UNC13B: variants seen among roughly 807,000 people sequenced by gnomAD.
The protein encoded by UNC13B is protein unc-13 homolog B.
In UNC13B, 144 loss-of-function variants were observed where a neutral mutation model predicts 211.0. The observed-to-expected ratio is 0.68, with a 90% CI of 0.60 to 0.78. The LOEUF is 0.78. UNC13B is among the 30% of genes least tolerant of loss of function. The probability of loss-of-function intolerance (pLI) is 0.00; values close to 1 mark genes in which losing one functional copy is unlikely to be tolerated. For missense variants in UNC13B, 1,777 were observed against 2,002.0 expected, an observed-to-expected ratio of 0.89 and a Z score of 2.14; for synonymous variants, 709 against 725.8, an observed-to-expected ratio of 0.98 and a Z score of 0.37.
chr9:35,224,813 A>C (rs760226481), intron 1 of UNC13B, among the ~76,000 whole-genome samples: 10 of 152,224 alleles, frequency 6.6e-5, no homozygotes, highest in Non-Finnish European at 1.0e-4. Context: ...CAAGTAATAT[A>C]TCAAAAAGAT....
At chr9:35,285,233 A>C (rs913100005) in intron 7 of UNC13B, among the ~76,000 whole-genome samples, 1 of 152,172 alleles carries the variant, frequency 6.6e-6, no homozygotes, top group Non-Finnish European at 1.5e-5. Context: ...TTAGCACAGG[A>C]GTATTATTCT....
At chr9:35,214,747 A>G (rs960748774) in intron 1 of UNC13B, among the ~76,000 whole-genome samples, 8 of 152,230 alleles carry the variant, frequency 5.3e-5, no homozygotes, top group Non-Finnish European at 1.0e-4. Flanking sequence ...AAGAAAAGAC[A>G]GATTATCTAC....
At chr9:35,286,201 C>A (rs181831828) in intron 7 of UNC13B, among the ~76,000 whole-genome samples, 18 of 151,124 alleles carry the variant, frequency 1.2e-4, no homozygotes, top group Admixed American at 2.0e-4. Flanking sequence ...ATCAGACAGA[C>A]CAAGCCATGT....
chr9:35,162,316 G>A lies in UNC13B; in HGVS notation c.22+11G>A, dbSNP rs1220384957. 1.9e-6 allele frequency: 3 copies of A among 1,539,874 alleles called. No homozygotes were observed. Among genetic ancestry groups the A allele is most frequent in the Admixed American group, 1.9e-5 (1 of 51,728 alleles). ...TGCTCTGCGTGCGCGGTGAGTGCGCGGACTGAGGCGGGGAGGCGGGGTGTC... is the reference window on the plus strand; with the variant it reads ...TGCTCTGCGTGCGCGGTGAGTGCGCAGACTGAGGCGGGGAGGCGGGGTGTC... On this transcript the variant is annotated intron_variant, in intron 1 of 39. Transcript: ENST00000635942.
intron 11 of UNC13B, among the ~76,000 whole-genome samples, chr9:35,357,277 A>C (rs1161983737): frequency 2.0e-5 from 3 of 152,138 alleles, no homozygotes; most frequent in Admixed American, 6.6e-5. Context: ...ATCCTAGTGG[A>C]TATGAAGTGG....
chr9:35,221,700 T>A (rs775442333), intron 1 of UNC13B, among the ~76,000 whole-genome samples: 1 of 152,216 alleles, frequency 6.6e-6, no homozygotes, highest in Non-Finnish European at 1.5e-5. Context: ...TTCATGCATT[T>A]TGCATACAAT....
At chr9:35,390,917 T>C (rs1835492827) in intron 26 of UNC13B, among the ~76,000 whole-genome samples, 1 of 152,202 alleles carries the variant, frequency 6.6e-6, no homozygotes, top group African/African-American at 2.4e-5. Context: ...AAAATGGCTG[T>C]GTGGATGTAG....
chr9:35,323,762 A>G (rs1830862226), intron 11 of UNC13B, among the ~76,000 whole-genome samples: 1 of 152,032 alleles, frequency 6.6e-6, no homozygotes, highest in South Asian at 2.1e-4. Flanking sequence ...GTCAGAAGTG[A>G]GGTTTGGTTT....
intron 11 of UNC13B, among the ~76,000 whole-genome samples, chr9:35,332,759 C>G (rs1295686843): frequency 1.3e-5 from 2 of 152,168 alleles, no homozygotes; most frequent in Admixed American, 6.5e-5. Flanking sequence ...TGAAGCCTTT[C>G]CCAAAGTGCC....
chr9:35,309,615 G>T (rs115230806), intron 9 of UNC13B, among the ~76,000 whole-genome samples: 1,682 of 152,252 alleles, frequency 0.011, 29 homozygotes, highest in African/African-American at 0.038. Flanking sequence ...TGCTATAACT[G>T]CTTTCTCTCA....
chr9:35,338,700 A>T (rs1044144261), intron 11 of UNC13B, among the ~76,000 whole-genome samples: 1 of 152,192 alleles, frequency 6.6e-6, no homozygotes, highest in East Asian at 1.9e-4. Flanking sequence ...CTCTTGCATG[A>T]TATAGATATT....
In UNC13B at chr9:35,389,932, C is replaced by T. The variant is rs1395323752; in HGVS notation, c.11181C>T (p.Ile3727=). 1 of 1,614,146 alleles carries T rather than the reference C, an allele frequency of 6.2e-7. No individual in the cohort carries two copies. The highest frequency in any genetic ancestry group is 8.5e-7 in the Non-Finnish European group (1 of 1,180,010). The change falls in exon 25 of 40, where the codon ATC becomes ATT. Residue 3727 remains isoleucine (I), a synonymous_variant. Coordinates refer to ENST00000635942, the MANE Select transcript of UNC13B (RefSeq NM_001371189.2). ...AGCTCATCACACTCATCGTGTCAATCATAGAGGAAGATAAGAATTCCTACA... is the reference window on the plus strand; with the variant it reads ...AGCTCATCACACTCATCGTGTCAATTATAGAGGAAGATAAGAATTCCTACA... ...WPKLITLIVS[I]IEEDKNSYTP...
intron 1 of UNC13B, among the ~76,000 whole-genome samples, chr9:35,205,357 CT>C (rs1823584406): frequency 6.6e-6 from 1 of 152,114 alleles, no homozygotes; most frequent in Admixed American, 6.6e-5. Flanking sequence ...TTTTGGTTTA[CT>C]TTAAAAAAAA....
chr9:35,400,572 C>A (rs1012046924), intron 37 of UNC13B, 129 bp downstream of exon 37: 1 of 1,163,164 alleles, frequency 8.6e-7, no homozygotes, highest in Non-Finnish European at 1.2e-6. Flanking sequence ...AAATTCAGAT[C>A]TCTATTGCTT....
intron 9 of UNC13B, 101 bp from the exon 10 acceptor site, chr9:35,310,366 C>A: frequency 2.4e-6 from 3 of 1,270,600 alleles, no homozygotes; most frequent in East Asian, 4.7e-5. Context: ...CTATTTGATT[C>A]TTGCTACTAA....
rs1587285805 is a variant in UNC13B, at chr9:35,172,649, T to A, written c.22+10344T>A. On this transcript the variant is annotated intron_variant, in intron 1 of 39. Transcript: ENST00000635942. The stretch of plus-strand genomic sequence containing the variant: ...ACCTTTATAAAGTACATTAAAAAAT[T>A]CTTTTGTTATCTTTAGTAAAAATGA... Among the ~76,000 whole-genome samples, 2 of 152,356 alleles carry A rather than the reference T, an allele frequency of 1.3e-5. 1 individual carries two copies. Among genetic ancestry groups the A allele is most frequent in the Admixed American group, 1.3e-4 (2 of 15,300 alleles).
intron 11 of UNC13B, among the ~76,000 whole-genome samples, chr9:35,358,676 T>C (rs1330408425): frequency 6.6e-6 from 1 of 151,384 alleles, no homozygotes; most frequent in Admixed American, 6.6e-5. Context: ...TTTACTCCTA[T>C]ATTTAGGTCT....
In UNC13B at chr9:35,310,551, AC is replaced by A. The variant is rs778066068; in HGVS notation, c.9094del (p.Gln3032LysfsTer37). ...QLSELDQYHE[Q>X]DDDHRETDSI... ...TAAGTGAACTAGACCAGTATCACGA[AC>A]AAGATGACGACCATCGGGAGACGGA... On this transcript the variant is annotated frameshift_variant, in exon 10 of 40. Transcript: ENST00000635942. LOFTEE classifies it high-confidence loss of function. The A allele has an allele frequency of 8.8e-5, 142 of 1,614,046 alleles. No individual in the cohort carries two copies. The highest frequency in any genetic ancestry group is 1.2e-4 in the Non-Finnish European group (137 of 1,180,032).
intron 7 of UNC13B, among the ~76,000 whole-genome samples, chr9:35,264,998 C>G (rs1200330473): frequency 6.6e-6 from 1 of 152,184 alleles, no homozygotes; most frequent in Non-Finnish European, 1.5e-5. Context: ...ACTCTTTACT[C>G]AAGATCACTC....
Sources: gnomAD v4.1 joint callset for allele counts (sites outside exome capture counted in the v4.1 genomes callset) on GRCh38, gnomAD v4.1.1 for gene constraint, MANE v1.5 for transcripts, NCBI Gene and HGNC (gene_info 2026-07-23, HGNC 2026-07-21) for gene names.